Variants in BEST3 observed in about 807,000 individuals in gnomAD.
BEST3 encodes bestrophin 3.
In BEST3, 50 loss-of-function variants were observed where a neutral mutation model predicts 47.1. The observed-to-expected ratio is 1.06, with a 90% CI of 0.85 to 1.34. The LOEUF (loss-of-function observed/expected upper bound fraction) is 1.34. Ranked by LOEUF, BEST3 falls within the 40% of genes most tolerant of loss-of-function variation. The pLI is 0.00. For synonymous variants in BEST3, 282 were observed against 298.8 expected (o/e 0.94, Z 0.58); for missense variants, 765 against 817.0 (o/e 0.94, Z 0.78).
intron 5 of BEST3, among the ~76,000 whole-genome samples, chr12:69,678,014 C>T (rs894117085): frequency 1.3e-5 from 2 of 152,146 alleles, no homozygotes; most frequent in Non-Finnish European, 2.9e-5. Flanking sequence ...CCTGTTTCCT[C>T]CCACAAATGG....
intron 9 of BEST3, among the ~76,000 whole-genome samples, chr12:69,667,110 C>A (rs577128622): frequency 2.6e-5 from 4 of 152,296 alleles, no homozygotes; most frequent in Admixed American, 6.5e-5. Context: ...CTATAAAACC[C>A]TCCATCTTCT....
Position 69,671,536 on chromosome 12 carries a change from T to C in BEST3, c.992A>G (p.Lys331Arg), listed in dbSNP as rs1163216121. 1 of 1,614,002 alleles carries C rather than the reference T, an allele frequency of 6.2e-7. No individual in the cohort carries two copies. Among genetic ancestry groups the C allele is most frequent in the Non-Finnish European group, 8.5e-7 (1 of 1,179,844 alleles). ...AVDEMHMSLP[K>R]MKKDIYWDDS... ...GTCCCAGTAAATGTCCTTCTTCATC[T>C]TGGGTAAGCTCATGTGCATTTCGTC... The change falls in exon 9 of 10, where the codon AAG becomes AGG. Residue 331 changes from lysine (K) to arginine (R), a missense_variant. Transcript: ENST00000330891.
chr12:69,681,607 T>C (rs775477), intron 4 of BEST3, among the ~76,000 whole-genome samples: 107,440 of 152,044 alleles, frequency 0.71, 38,020 homozygotes, highest in South Asian at 0.81. Context: ...AGATCTTTGA[T>C]GTGACTTAGG....
chr12:69,658,851 C>T (rs1489758186), intron 9 of BEST3, among the ~76,000 whole-genome samples: 1 of 152,132 alleles, frequency 6.6e-6, no homozygotes. Context: ...GAAAGAGGTC[C>T]TTGGACCGTG....
At chr12:69,691,203 C>G (rs1236397173) in intron 4 of BEST3, among the ~76,000 whole-genome samples, 2 of 152,216 alleles carry the variant, frequency 1.3e-5, no homozygotes, top group African/African-American at 4.8e-5. Flanking sequence ...TTATGCAGCA[C>G]TTACTGTGTG....
chr12:69,699,117 C>T, intron 1 of BEST3, 88 bp downstream of exon 1: 2 of 770,542 alleles, frequency 2.6e-6, no homozygotes, highest in Non-Finnish European at 3.2e-6. Context: ...TAGTAGTTCA[C>T]TCTTCTTTTC....
At chr12:69,678,644 G>A (rs983951952) in intron 5 of BEST3, 95 bp downstream of exon 5, 13 of 1,245,420 alleles carry the variant, frequency 1.0e-5, no homozygotes, top group Non-Finnish European at 1.5e-5. Context: ...AACCAGGACT[G>A]AACAAAGCTG....
intron 8 of BEST3, among the ~76,000 whole-genome samples, chr12:69,672,545 C>A (rs1251542775): frequency 6.6e-6 from 1 of 152,188 alleles, no homozygotes. Flanking sequence ...CATTTTAAGT[C>A]ACTATTAACC....
intron 2 of BEST3, among the ~76,000 whole-genome samples, 193 bp downstream of exon 2, chr12:69,697,454 G>A (rs1435826016): frequency 6.6e-6 from 1 of 152,172 alleles, no homozygotes; most frequent in African/African-American, 2.4e-5. Context: ...AACAGTGAGG[G>A]TCTATTTTAC....
chr12:69,670,100 A>C (rs1884464487), intron 9 of BEST3: 1 of 210,846 alleles, frequency 4.7e-6, no homozygotes, highest in Non-Finnish European at 9.7e-6. Flanking sequence ...ATTATCTAAA[A>C]TCAAACTCAC....
At chr12:69,671,735 G>A (rs1340279558) in intron 8 of BEST3, among the ~76,000 whole-genome samples, 156 bp from the exon 9 acceptor site, 6 of 152,186 alleles carry the variant, frequency 3.9e-5, no homozygotes, top group African/African-American at 1.4e-4. Context: ...GACCACAGCT[G>A]CCACAGAGAG....
chr12:69,694,513 A>G, intron 2 of BEST3, 49 bp from the exon 3 acceptor site: 2 of 968,236 alleles, frequency 2.1e-6, no homozygotes, highest in Non-Finnish European at 3.0e-6. Flanking sequence ...ATACTTCTGC[A>G]CCTGCTTTGC....
intron 9 of BEST3, among the ~76,000 whole-genome samples, chr12:69,644,957 T>C (rs1854990163): frequency 6.6e-6 from 1 of 152,228 alleles, no homozygotes; most frequent in Admixed American, 6.5e-5. Context: ...AGAATGTAGA[T>C]TCAAATCCAT....
chr12:69,676,054 AG>A (rs755981423), intron 7 of BEST3, among the ~76,000 whole-genome samples: 6 of 152,222 alleles, frequency 3.9e-5, no homozygotes, highest in Non-Finnish European at 7.3e-5. Context: ...TGGAAGAATC[AG>A]GTCTCTGATA....
chr12:69,654,747 A>T lies in BEST3; in HGVS notation c.*160T>A, dbSNP rs1259860924. Reference sequence around the variant, plus strand: ...GTTTGATTTTTCGCAGCTCTCAAAAAGTCAGGATCATAATGCCCTTCAAAG... The same window carrying T: ...GTTTGATTTTTCGCAGCTCTCAAAATGTCAGGATCATAATGCCCTTCAAAG... On this transcript the variant is annotated 3_prime_UTR_variant, in exon 10 of 10. Coordinates refer to ENST00000330891, the MANE Select transcript of BEST3 (RefSeq NM_032735.3). The T allele has an allele frequency of 2.2e-6, 3 of 1,356,570 alleles. No homozygotes were observed. The highest frequency in any genetic ancestry group is 2.8e-6 in the Non-Finnish European group (3 of 1,054,526). The allele number at this position is 1,356,570 out of a possible 1,614,324, so 84.0% of individuals were successfully genotyped here. A position where few individuals can be genotyped will look rare whatever the true frequency, so the allele number is the denominator to read the frequency against.
Position 69,672,980 on chromosome 12 carries a change from A to G in BEST3, c.868-15T>C. 6.3e-7 allele frequency: 1 copy of G among 1,588,684 alleles called. No homozygotes were observed. The highest frequency in any genetic ancestry group is 1.4e-5 in the African/African-American group (1 of 74,072). On this transcript the variant is annotated splice_polypyrimidine_tract_variant and intron_variant, in intron 7 of 9. Coordinates refer to ENST00000330891, the MANE Select transcript of BEST3 (RefSeq NM_032735.3). ...TGCTCTGCTACCTGTAGTTGAGAAC[A>G]TAAAATAAATCCATCATGATACCTG...
At chr12:69,684,430 T>C in intron 4 of BEST3, 1 of 468,962 alleles carries the variant, frequency 2.1e-6, no homozygotes, top group Non-Finnish European at 4.0e-6. Context: ...ATAGACAAAA[T>C]TCCAGTCATC....
chr12:69,673,015 A>C (rs749430875), intron 7 of BEST3, 50 bp from the exon 8 acceptor site: 1 of 1,401,156 alleles, frequency 7.1e-7, no homozygotes, highest in Non-Finnish European at 1.0e-6. Context: ...GTGAAAACTC[A>C]GAATAGAGAC....
Position 69,655,342 on chromosome 12 carries a change from G to A in BEST3, c.1572C>T (p.Thr524=), listed in dbSNP as rs74799373. Residue 524 remains threonine (T), a synonymous_variant, in exon 10 of 10, where the codon ACC becomes ACT. Transcript: ENST00000330891. ...TSGGYHHDSA[T]SILSSEFTGV... ...CTGTAAACTCAGAGCTCAAGATGGA[G>A]GTAGCGGAATCATGGTGGTAGCCCC... 18,826 of 1,614,162 alleles carry A rather than the reference G, an allele frequency of 0.012. 154 individuals are homozygous for A. The highest frequency in any genetic ancestry group is 0.013 in the Non-Finnish European group (15,859 of 1,180,026).
Sources: gnomAD v4.1 joint callset for allele counts (sites outside exome capture counted in the v4.1 genomes callset) on GRCh38, gnomAD v4.1.1 for gene constraint, MANE v1.5 for transcripts, NCBI Gene and HGNC (gene_info 2026-07-23, HGNC 2026-07-21) for gene names.